ERBB4: variants seen among roughly 807,000 people sequenced by gnomAD.
The protein encoded by ERBB4 is erb-b2 receptor tyrosine kinase 4.
ERBB4 carries 42 observed loss-of-function variants against 158.0 expected under a neutral mutation model. That is an observed-to-expected ratio of 0.27 (90% CI 0.21 to 0.34). ERBB4 has a LOEUF of 0.34. Among genes scored for constraint, ERBB4 ranks in the 10% least tolerant of loss-of-function variants. The pLI, the probability that ERBB4 is intolerant of heterozygous loss-of-function variation, is 1.00. For missense variants in ERBB4, 1,333 were observed against 1,624.1 expected (o/e 0.82, Z 3.08); for synonymous variants, 583 against 558.7 (o/e 1.04, Z -0.61).
chr2:211,922,624 AT>A (rs2079887090), intron 3 of ERBB4, among the ~76,000 whole-genome samples: 1 of 152,158 alleles, frequency 6.6e-6, no homozygotes, highest in African/African-American at 2.4e-5. Context: ...AAATTAATAC[AT>A]TGTTAATTGT....
At chr2:211,941,415 T>C (rs2080492740) in intron 3 of ERBB4, among the ~76,000 whole-genome samples, 1 of 152,106 alleles carries the variant, frequency 6.6e-6, no homozygotes, top group South Asian at 2.1e-4. Flanking sequence ...CACAGGGTAG[T>C]TGAAGAATGC....
At chr2:211,642,329 G>C (rs1223200599) in intron 16 of ERBB4, among the ~76,000 whole-genome samples, 1 of 152,008 alleles carries the variant, frequency 6.6e-6, no homozygotes, top group African/African-American at 2.4e-5. Context: ...TCATATAAAT[G>C]ATCAGTTCCC....
At chr2:211,676,464 A>T (rs985417545) in intron 13 of ERBB4, among the ~76,000 whole-genome samples, 4 of 152,216 alleles carry the variant, frequency 2.6e-5, no homozygotes, top group African/African-American at 7.2e-5. Flanking sequence ...TTTTTGTAGA[A>T]ATGAGATAGA....
At chr2:211,955,854 A>G in intron 2 of ERBB4, among the ~76,000 whole-genome samples, 1 of 152,268 alleles carries the variant, frequency 6.6e-6, no homozygotes, top group Non-Finnish European at 1.5e-5. Flanking sequence ...ATTCATGAAC[A>G]TTCTTTTTTT....
At chr2:212,410,044 C>A (rs1448809427) in intron 1 of ERBB4, among the ~76,000 whole-genome samples, 1 of 151,656 alleles carries the variant, frequency 6.6e-6, no homozygotes, top group East Asian at 1.9e-4. Flanking sequence ...AAGAAACTGC[C>A]TGGATTAAAA....
intron 1 of ERBB4, among the ~76,000 whole-genome samples, chr2:212,223,535 G>A (rs967837794): frequency 1.3e-5 from 2 of 150,422 alleles, no homozygotes; most frequent in Non-Finnish European, 3.0e-5. Flanking sequence ...TTATATAATG[G>A]ATAAAAATTA....
At chr2:212,047,561 C>G (rs2077287828) in intron 2 of ERBB4, among the ~76,000 whole-genome samples, 1 of 152,000 alleles carries the variant, frequency 6.6e-6, no homozygotes, top group South Asian at 2.1e-4. Flanking sequence ...CAACTTCTGC[C>G]TCTTGGGTTC....
chr2:211,725,013 G>A (rs1276528678), intron 6 of ERBB4, 63 bp downstream of exon 6: 12 of 1,169,156 alleles, frequency 1.0e-5, no homozygotes, highest in Non-Finnish European at 1.4e-5. Flanking sequence ...GATTCAGTAT[G>A]CCTGAATCAA....
intron 1 of ERBB4, among the ~76,000 whole-genome samples, chr2:212,368,341 T>C (rs1348892199): frequency 6.6e-6 from 1 of 152,070 alleles, no homozygotes; most frequent in African/African-American, 2.4e-5. Flanking sequence ...AAATCAAACA[T>C]TGTATGTTCT....
At chr2:211,577,792 G>A (rs1246617621) in intron 19 of ERBB4, among the ~76,000 whole-genome samples, 1 of 151,946 alleles carries the variant, frequency 6.6e-6, no homozygotes, top group Non-Finnish European at 1.5e-5. Flanking sequence ...CAATAAACTA[G>A]GTATTAAAGG....
intron 1 of ERBB4, among the ~76,000 whole-genome samples, chr2:212,379,516 A>C (rs1329454841): frequency 2.6e-5 from 4 of 151,708 alleles, no homozygotes; most frequent in African/African-American, 7.2e-5. Flanking sequence ...CTAATGTCTA[A>C]TCAGGAATGA....
At chr2:211,677,278 T>A (rs1189835768) in intron 13 of ERBB4, among the ~76,000 whole-genome samples, 1 of 152,108 alleles carries the variant, frequency 6.6e-6, no homozygotes, top group African/African-American at 2.4e-5. Context: ...TTGAAAATAC[T>A]TTCAGGCCGG....
intron 2 of ERBB4, among the ~76,000 whole-genome samples, chr2:212,043,815 A>C (rs1384380448): frequency 6.6e-6 from 1 of 152,120 alleles, no homozygotes; most frequent in African/African-American, 2.4e-5. Flanking sequence ...GCAGCCATAA[A>C]ATTATAGCAG....
At chr2:212,442,935 A>G (rs577812179) in intron 1 of ERBB4, among the ~76,000 whole-genome samples, 2 of 152,232 alleles carry the variant, frequency 1.3e-5, no homozygotes, top group Admixed American at 6.5e-5. Context: ...ACCAGTGCAG[A>G]AGACAGATGG....
intron 2 of ERBB4, among the ~76,000 whole-genome samples, chr2:212,028,617 A>G (rs951404836): frequency 1.3e-5 from 2 of 152,070 alleles, no homozygotes; most frequent in African/African-American, 4.8e-5. Flanking sequence ...AAGCTAACAG[A>G]CTGCACGCAG....
At chr2:211,621,819 C>T (rs1056327853) in intron 18 of ERBB4, among the ~76,000 whole-genome samples, 1 of 151,988 alleles carries the variant, frequency 6.6e-6, no homozygotes, top group Non-Finnish European at 1.5e-5. Flanking sequence ...CATAAATTTG[C>T]CTACTTGCTT....
chr2:211,819,089 C>A (rs2076937814), intron 3 of ERBB4, among the ~76,000 whole-genome samples: 1 of 152,018 alleles, frequency 6.6e-6, no homozygotes, highest in African/African-American at 2.4e-5. Context: ...TGATTTGAAC[C>A]TTGCCTAAAA....
chr2:212,255,434 G>T (rs1255804277), intron 1 of ERBB4, among the ~76,000 whole-genome samples: 1 of 152,072 alleles, frequency 6.6e-6, no homozygotes, highest in South Asian at 2.1e-4. Flanking sequence ...AATTATGTTT[G>T]TTGTACAAAA....
At chr2:211,604,393 C>T (rs1420082337) in intron 19 of ERBB4, among the ~76,000 whole-genome samples, 1 of 152,158 alleles carries the variant, frequency 6.6e-6, no homozygotes, top group African/African-American at 2.4e-5. Context: ...TGTTCCTTAT[C>T]AAATACTGAC....
Sources: allele counts gnomAD v4.1 joint callset (sites outside exome capture counted in the v4.1 genomes callset), GRCh38; gene constraint gnomAD v4.1.1; transcripts MANE v1.5; gene names NCBI Gene and HGNC (gene_info 2026-07-23, HGNC 2026-07-21).